Variants in TCTN3 observed in about 807,000 individuals in gnomAD.
TCTN3 encodes the protein tectonic-3.
Under a neutral mutation model 71.3 loss-of-function variants are expected in TCTN3, and 57 were observed. The observed-to-expected ratio is 0.80, with a 90% CI of 0.65 to 1.00. The LOEUF is 1.00. Ranked by LOEUF, TCTN3 falls within the 50% of genes least tolerant of loss-of-function variation. TCTN3 has a pLI of 0.00. For missense variants in TCTN3, 696 were observed against 719.9 expected, an observed-to-expected ratio of 0.97 and a Z score of 0.38; for synonymous variants, 258 against 267.8, an observed-to-expected ratio of 0.96 and a Z score of 0.36.
At chr10:95,673,186 T>C (rs1012610851) in intron 13 of TCTN3, among the ~76,000 whole-genome samples, 18 of 152,230 alleles carry the variant, frequency 1.2e-4, no homozygotes, top group African/African-American at 4.3e-4. Context: ...TTAATTTTGC[T>C]AAAGTCTAAT....
intron 3 of TCTN3, among the ~76,000 whole-genome samples, chr10:95,690,186 G>C (rs898184912): frequency 4.6e-5 from 7 of 151,762 alleles, no homozygotes; most frequent in African/African-American, 1.5e-4. Flanking sequence ...GTCTTGCTAT[G>C]TTGCCAGGAT....
intron 3 of TCTN3, among the ~76,000 whole-genome samples, chr10:95,692,445 G>A (rs1256665531): frequency 6.6e-6 from 1 of 152,130 alleles, no homozygotes; most frequent in East Asian, 1.9e-4. Flanking sequence ...GGTGGAGGTT[G>A]CAGTGAGCTG....
intron 13 of TCTN3, among the ~76,000 whole-genome samples, chr10:95,668,857 T>C (rs2097928231): frequency 6.6e-6 from 1 of 152,172 alleles, no homozygotes; most frequent in African/African-American, 2.4e-5. Flanking sequence ...GAAGAAAATA[T>C]GCAGGAAAAT....
rs1174696336 is a variant in TCTN3, at chr10:95,683,608, C to G, written c.1117G>C (p.Ala373Pro). Residue 373 changes from alanine to proline, a missense_variant, in exon 10 of 14, where the codon GCT (alanine) becomes CCT (proline). Ala to Pro is a conservative substitution (Grantham distance 27). Coordinates refer to ENST00000371217, the MANE Select transcript of TCTN3 (RefSeq NM_015631.6). ...CCACTTCTAGGACTGGTGAGAGAAG[C>G]AGCTGTGCTCTGTTGAAAAGCCTGC... ...RFRAFQQSTA[A>P]SLTSPRSGNP... is the part of the protein sequence containing the mutation. The G allele has an allele frequency of 1.2e-6, 2 of 1,612,664 alleles. No homozygotes were observed. The highest frequency in any genetic ancestry group is 4.5e-5 in the East Asian group (2 of 44,858).
At chr10:95,692,820 G>A (rs891510988) in intron 3 of TCTN3, 100 bp downstream of exon 3, 5 of 832,418 alleles carry the variant, frequency 6.0e-6, no homozygotes, top group South Asian at 4.5e-5. Flanking sequence ...TGTATTTTAC[G>A]TGTGGCCCAA....
Position 95,666,162 on chromosome 10 carries a change from C to T in TCTN3, c.1591-1862G>A, listed in dbSNP as rs374773766. ...TCACAGTGTCCAGCCAGGATGGTCT[C>T]GATCTCCTGACCTAGTGATCTGCCC... On this transcript the variant is annotated intron_variant, in intron 13 of 13. Coordinates refer to ENST00000371217, the MANE Select transcript of TCTN3 (RefSeq NM_015631.6). Among the ~76,000 whole-genome samples, 468 of 151,698 alleles carry T rather than the reference C, an allele frequency of 3.1e-3. 2 individuals carry two copies. The highest frequency in any genetic ancestry group is 4.8e-3 in the Non-Finnish European group (323 of 67,942).
At position 95,687,061 on chromosome 10, in the gene TCTN3, T is replaced by C; in HGVS notation, c.835A>G (p.Asn279Asp). Residue 279 changes from asparagine to aspartate, a missense_variant, in exon 6 of 14, where the codon AAC becomes GAC. Physicochemically the swap from Asn to Asp is conservative, Grantham distance 23. Transcript: ENST00000371217. ...ACACCTACCTTTAAGACTGTGAAGT[T>C]ATAGTAAGAGGCAGCATTGAGGGCT... ...DSALNAASYY[N>D]FTVLKVPRSM... 3 of 1,613,770 alleles carry C rather than the reference T, an allele frequency of 1.9e-6. No individual in the cohort carries two copies. Among genetic ancestry groups the C allele is most frequent in the Non-Finnish European group, 2.5e-6 (3 of 1,179,840 alleles).
Position 95,682,660 on chromosome 10 carries a change from G to T in TCTN3, c.1443C>A (p.Cys481Ter). 6.2e-7 allele frequency: 1 copy of T among 1,612,766 alleles called. No individual in the cohort carries two copies. The highest frequency in any genetic ancestry group is 8.5e-7 in the Non-Finnish European group (1 of 1,179,582). The change falls in exon 12 of 14, where the codon TGC (cysteine) becomes TGA (stop). Residue 481 changes from cysteine to a stop codon, truncating the protein, a stop_gained. Coordinates refer to ENST00000371217, the MANE Select transcript of TCTN3 (RefSeq NM_015631.6). LOFTEE classifies it high-confidence loss of function. ...ATATTTCTCTCCTTACTGAAATGCT[G>T]CAGTGCCTGTTGAGGATCCTGGTCC... is the stretch of plus-strand genomic sequence containing the variant. Reference protein sequence around the residue: ...GGWTRILNRHCSISAINCTSC... With the variant: ...GGWTRILNRH
chr10:95,683,742 A>G (rs2097945536), intron 9 of TCTN3, 113 bp from the exon 10 acceptor site: 1 of 800,790 alleles, frequency 1.2e-6, no homozygotes, highest in African/African-American at 1.7e-5. Flanking sequence ...TAAGTGAGCT[A>G]CACTGAACAA....
chr10:95,669,132 G>T (rs78933313), intron 13 of TCTN3, among the ~76,000 whole-genome samples: 2 of 152,084 alleles, frequency 1.3e-5, no homozygotes, highest in South Asian at 4.2e-4. Flanking sequence ...GCAGAGTAGT[G>T]GGGGGGTAGG....
At chr10:95,673,400 C>G (rs1184633223) in intron 13 of TCTN3, among the ~76,000 whole-genome samples, 3 of 152,004 alleles carry the variant, frequency 2.0e-5, no homozygotes, top group Admixed American at 6.6e-5. Context: ...ATATGTTTAC[C>G]CAGTAATTCC....
In TCTN3 at chr10:95,693,023, A is replaced by C; in HGVS notation, c.396T>G (p.Val132=). The change falls in exon 3 of 14, where the codon GTT becomes GTG. Residue 132 remains valine (V), a synonymous_variant. Coordinates refer to ENST00000371217, the MANE Select transcript of TCTN3 (RefSeq NM_015631.6). ...TGAAGATAACAGAGTTGTCTACACAAACCCAGCTTGAAGACCTGTGAGGAA... is the reference window on the plus strand; with the variant it reads ...TGAAGATAACAGAGTTGTCTACACACACCCAGCTTGAAGACCTGTGAGGAA... The part of the protein sequence containing the change: ...LPGSVRSSSW[V]CVDNSVIFRS... 6.2e-7 allele frequency: 1 copy of C among 1,612,902 alleles called. No individual in the cohort carries two copies. The highest frequency in any genetic ancestry group is 1.1e-5 in the South Asian group (1 of 90,938).
chr10:95,667,502 G>A (rs2097926804), intron 13 of TCTN3, among the ~76,000 whole-genome samples: 1 of 152,130 alleles, frequency 6.6e-6, no homozygotes, highest in Non-Finnish European at 1.5e-5. Context: ...ACAGAGGAAG[G>A]GATGAGGGGC....
In TCTN3 at chr10:95,663,968, C is replaced by G; in HGVS notation, c.*99G>C. ...GTTAGGTCCTCTATTATCCTAAATG[C>G]TCTCTGGTCATGAGCAGGTGAGGTT... is the stretch of plus-strand genomic sequence containing the variant. On this transcript the variant is annotated 3_prime_UTR_variant, in exon 14 of 14. Transcript: ENST00000371217. 1 of 915,044 alleles carries G rather than the reference C, an allele frequency of 1.1e-6. No homozygotes were observed. 56.7% of individuals were successfully genotyped at this position (915,044 alleles called of 1,614,324 possible).
At chr10:95,683,079 T>C in intron 11 of TCTN3, 22 bp downstream of exon 11, 1 of 1,598,236 alleles carries the variant, frequency 6.3e-7, no homozygotes, top group Non-Finnish European at 8.6e-7. Flanking sequence ...TTGCAGGAAA[T>C]GATGCGGAAG....
At position 95,683,989 on chromosome 10, in the gene TCTN3, C is replaced by T. The variant is rs374987383; in HGVS notation, c.1096-360G>A. ...AAAAAATATATATTTTAATTAACTA[C>T]AGATGTTCCAGAGATGAGCTCTGAG... On this transcript the variant is annotated intron_variant, in intron 9 of 13. Coordinates refer to ENST00000371217, the MANE Select transcript of TCTN3 (RefSeq NM_015631.6). 4.5e-3 allele frequency among the ~76,000 whole-genome samples: 688 copies of T among 152,144 alleles called. 2 individuals carry two copies. Among genetic ancestry groups the T allele is most frequent in the Middle Eastern group, 0.02 (6 of 294 alleles).
chr10:95,689,547 AAAG>A (rs1351569287), intron 3 of TCTN3, among the ~76,000 whole-genome samples: 6 of 152,218 alleles, frequency 3.9e-5, no homozygotes, highest in African/African-American at 1.4e-4. Context: ...TTAAGCTAAG[AAAG>A]AAGGTGAACT....
At chr10:95,682,470 G>A (rs888050331) in intron 12 of TCTN3, among the ~76,000 whole-genome samples, 181 bp downstream of exon 12, 1 of 151,842 alleles carries the variant, frequency 6.6e-6, no homozygotes, top group African/African-American at 2.4e-5. Context: ...CTCGAGCCAG[G>A]GCAACACAGT....
chr10:95,677,906 T>A (rs927044464), intron 13 of TCTN3, among the ~76,000 whole-genome samples: 1 of 152,328 alleles, frequency 6.6e-6, no homozygotes. Flanking sequence ...GTCTGGGAAA[T>A]TCTTGATTCT....
Sources: allele counts gnomAD v4.1 joint callset (sites outside exome capture counted in the v4.1 genomes callset), GRCh38; gene constraint gnomAD v4.1.1; transcripts MANE v1.5; gene names NCBI Gene and HGNC (gene_info 2026-07-23, HGNC 2026-07-21).